PACSIN2: variants seen among roughly 807,000 people sequenced by gnomAD.
PACSIN2 encodes protein kinase C and casein kinase substrate in neurons 2, also known as protein kinase C and casein kinase substrate in neurons protein 2.
Under a neutral mutation model 63.8 loss-of-function variants are expected in PACSIN2, and 25 were observed. The ratio of observed to expected loss-of-function variants is 0.39; its 90% CI spans 0.29 to 0.55. The LOEUF is 0.55. Ranked by LOEUF, PACSIN2 falls within the 20% of genes least tolerant of loss-of-function variation. The pLI is 0.62. For synonymous variants in PACSIN2, 255 were observed against 256.2 expected (o/e 1.00, Z 0.05); for missense variants, 518 against 646.9 (o/e 0.80, Z 2.16).
At chr22:42,894,151 T>C (rs559178916) in intron 2 of PACSIN2, among the ~76,000 whole-genome samples, 11 of 152,312 alleles carry the variant, frequency 7.2e-5, no homozygotes, top group African/African-American at 2.4e-4. Flanking sequence ...TAGGAATAAG[T>C]GTCCCCATTT....
intron 1 of PACSIN2, among the ~76,000 whole-genome samples, chr22:42,925,488 A>AG (rs1474878514): frequency 1.3e-5 from 2 of 152,052 alleles, no homozygotes; most frequent in Admixed American, 6.6e-5. Flanking sequence ...TTTAAAAAAA[A>AG]AAAAAAAAAG....
chr22:42,902,313 G>T (rs942195068), intron 2 of PACSIN2, among the ~76,000 whole-genome samples: 3 of 152,212 alleles, frequency 2.0e-5, no homozygotes, highest in African/African-American at 4.8e-5. Flanking sequence ...CGGAGAGTGA[G>T]CTGGGGGCTC....
At chr22:42,935,229 G>T (rs1306091543) in intron 1 of PACSIN2, among the ~76,000 whole-genome samples, 1 of 152,012 alleles carries the variant, frequency 6.6e-6, no homozygotes, top group East Asian at 1.9e-4. Flanking sequence ...CCAGCCCAGG[G>T]CATGAATTTT....
chr22:43,009,298 A>G (rs750286606), intron 1 of PACSIN2, among the ~76,000 whole-genome samples: 3 of 152,172 alleles, frequency 2.0e-5, no homozygotes, highest in Non-Finnish European at 2.9e-5. Context: ...CACCTGTACC[A>G]CTCAGAAATG....
At chr22:42,983,332 A>AAAAAG (rs1569350950) in intron 1 of PACSIN2, among the ~76,000 whole-genome samples, 1 of 147,528 alleles carries the variant, frequency 6.8e-6, no homozygotes, top group African/African-American at 2.5e-5. Flanking sequence ...AAAAAAAAAA[A>AAAAAG]AAAAGAAACT....
At chr22:42,958,328 T>C (rs5996250) in intron 1 of PACSIN2, among the ~76,000 whole-genome samples, 33,296 of 152,032 alleles carry the variant, frequency 0.22, 5,592 homozygotes, top group East Asian at 0.69. Flanking sequence ...AAATATTGCG[T>C]TCCCACCTTC....
At chr22:42,922,957 C>A (rs2072068423) in intron 1 of PACSIN2, among the ~76,000 whole-genome samples, 1 of 152,082 alleles carries the variant, frequency 6.6e-6, no homozygotes, top group Admixed American at 6.6e-5. Context: ...CTGAGGACTG[C>A]AGGAAGATGG....
At chr22:42,882,428 G>A in intron 6 of PACSIN2, 124 bp from the exon 7 acceptor site, 1 of 1,057,274 alleles carries the variant, frequency 9.5e-7, no homozygotes, top group Non-Finnish European at 1.4e-6. Flanking sequence ...CACAGACAGA[G>A]CCAGAACACT....
In PACSIN2 at chr22:42,876,781, G is replaced by A. The variant is rs1381925516; in HGVS notation, c.1151+107C>T. On this transcript the variant is annotated intron_variant, in intron 9 of 10. Coordinates refer to ENST00000263246, the MANE Select transcript of PACSIN2 (RefSeq NM_001184970.3). ...GCACGCCAGGTGCCCACTTCCTGCA[G>A]AGCTCCGTGCATTGCCGAGTGCCGA... 1.3e-5 allele frequency: 19 copies of A among 1,451,478 alleles called. No individual in the cohort carries two copies. The Admixed American group carries it at 3.3e-4, about 25-fold the overall frequency. 89.9% of individuals were successfully genotyped at this position (1,451,478 alleles called of 1,614,324 possible).
chr22:42,902,608 C>CTT (rs140086907), intron 2 of PACSIN2, among the ~76,000 whole-genome samples: 1 of 149,806 alleles, frequency 6.7e-6, no homozygotes, highest in African/African-American at 2.5e-5. Flanking sequence ...TCTGTCAGTT[C>CTT]TTTTTTTTTT....
intron 1 of PACSIN2, among the ~76,000 whole-genome samples, chr22:42,956,186 A>G (rs912346644): frequency 2.0e-5 from 3 of 152,260 alleles, no homozygotes; most frequent in Non-Finnish European, 4.4e-5. Flanking sequence ...TCTAAATGCC[A>G]TACTATTGTG....
intron 1 of PACSIN2, among the ~76,000 whole-genome samples, chr22:42,968,838 C>G (rs1921031784): frequency 6.6e-6 from 1 of 152,206 alleles, no homozygotes; most frequent in Non-Finnish European, 1.5e-5. Context: ...GGACTTATAC[C>G]AGCGGCCCCT....
chr22:42,887,647 G>A (rs1929591771), intron 5 of PACSIN2, among the ~76,000 whole-genome samples: 1 of 151,988 alleles, frequency 6.6e-6, no homozygotes, highest in African/African-American at 2.4e-5. Context: ...GCTGACCAAA[G>A]GAGGGGAGGT....
intron 1 of PACSIN2, among the ~76,000 whole-genome samples, chr22:42,939,304 T>G (rs187401090): frequency 6.6e-6 from 1 of 152,288 alleles, no homozygotes; most frequent in Non-Finnish European, 1.5e-5. Context: ...GGCTGAACAC[T>G]TCCCCAACCT....
At chr22:42,919,411 A>G (rs1203037873) in intron 1 of PACSIN2, among the ~76,000 whole-genome samples, 1 of 152,240 alleles carries the variant, frequency 6.6e-6, no homozygotes, top group Non-Finnish European at 1.5e-5. Context: ...ACAGGGACTC[A>G]TCTGGCACTT....
In PACSIN2 at chr22:42,871,522, G is replaced by T; in HGVS notation, c.1349-53C>A. 7.3e-7 allele frequency: 1 copy of T among 1,374,724 alleles called. No homozygotes were observed. Among genetic ancestry groups the T allele is most frequent in the Non-Finnish European group, 1.0e-6 (1 of 961,552 alleles). The allele number at this position is 1,374,724 out of a possible 1,614,324, so 85.2% of individuals were successfully genotyped here. A position where few individuals can be genotyped will look rare whatever the true frequency, so the allele number is the denominator to read the frequency against. ...ATGAGAGGTATGACACCGACGGTGG[G>T]CTACAGAGCCGCATTCACGAGCTTT... On this transcript the variant is annotated intron_variant, in intron 10 of 10. Coordinates refer to ENST00000263246, the MANE Select transcript of PACSIN2 (RefSeq NM_001184970.3). This position sits in a 1 kb window ranked among gnomAD's most constrained non-coding sequence, Gnocchi z 5.4.
intron 1 of PACSIN2, among the ~76,000 whole-genome samples, chr22:42,956,346 G>C (rs1161504142): frequency 6.6e-6 from 1 of 152,196 alleles, no homozygotes; most frequent in Non-Finnish European, 1.5e-5. Flanking sequence ...ACTTAGGCCA[G>C]AGCCCCAGGG....
intron 1 of PACSIN2, among the ~76,000 whole-genome samples, chr22:42,940,043 C>T (rs768312732): frequency 3.9e-5 from 6 of 152,190 alleles, no homozygotes; most frequent in Non-Finnish European, 8.8e-5. Context: ...ATTATTCCCC[C>T]GGCCCCCTGC....
At position 42,884,389 on chromosome 22, in the gene PACSIN2, G is replaced by A. The variant is rs371512988; in HGVS notation, c.782C>T (p.Ala261Val). 3,804 of 1,609,134 alleles carry A rather than the reference G, an allele frequency of 2.4e-3. 101 individuals are homozygous for A. In the South Asian group the frequency reaches 0.04, roughly 17 times the overall value. Reference protein sequence around the residue: ...VQKHLDLSNVAGYKAIYHDLE... With the variant: ...VQKHLDLSNVVGYKAIYHDLE... ...TTTTAGCTCAAAGGAAACTTACCCA[G>A]CCACATTGGACAGGTCTAGGTGCTT... The change falls in exon 6 of 11, where the codon GCT (alanine) becomes GTT (valine). Residue 261 changes from alanine (A) to valine (V), a missense_variant. By Grantham distance (64) the Ala-to-Val change is moderately conservative. Transcript: ENST00000263246.
Sources: gnomAD v4.1 joint callset for allele counts (sites outside exome capture counted in the v4.1 genomes callset) on GRCh38, gnomAD v4.1.1 for gene constraint, Gnocchi (gnomAD v3.1) non-coding constraint, MANE v1.5 for transcripts, NCBI Gene and HGNC (gene_info 2026-07-23, HGNC 2026-07-21) for gene names.